ATP2C1: variants seen among roughly 807,000 people sequenced by gnomAD.
The protein encoded by ATP2C1 is calcium-transporting ATPase type 2C member 1.
Under a neutral mutation model 120.5 loss-of-function variants are expected in ATP2C1, and 31 were observed. The observed-to-expected ratio is 0.26, with a 90% CI of 0.19 to 0.35. ATP2C1 has a LOEUF of 0.35. Among genes scored for constraint, ATP2C1 ranks in the 10% least tolerant of loss-of-function variants. ATP2C1 has a pLI of 1.00. For missense variants in ATP2C1, 731 were observed against 1,107.5 expected, an observed-to-expected ratio of 0.66 and a Z score of 4.83; for synonymous variants, 351 against 358.7, an observed-to-expected ratio of 0.98 and a Z score of 0.24.
intron 19 of ATP2C1, 39 bp downstream of exon 19, chr3:130,979,458 T>C: frequency 6.3e-7 from 1 of 1,599,304 alleles, no homozygotes; most frequent in Non-Finnish European, 8.6e-7. Flanking sequence ...CGATAGTTTT[T>C]CTTAAAATAC....
intron 20 of ATP2C1, among the ~76,000 whole-genome samples, chr3:130,988,916 C>T (rs1385505093): frequency 6.6e-6 from 1 of 152,086 alleles, no homozygotes; most frequent in Non-Finnish European, 1.5e-5. Context: ...AATTGGAGGC[C>T]TCTAAATGGC....
intron 2 of ATP2C1, chr3:130,918,223 TG>T: frequency 6.9e-7 from 1 of 1,442,282 alleles, no homozygotes; most frequent in Non-Finnish European, 9.7e-7. Context: ...TACACCTTAC[TG>T]GGCATGAACA....
At chr3:130,863,096 A>G (rs1416657119) in intron 1 of ATP2C1, among the ~76,000 whole-genome samples, 1 of 152,180 alleles carries the variant, frequency 6.6e-6, no homozygotes, top group Non-Finnish European at 1.5e-5. Flanking sequence ...TGTAACCAAA[A>G]AAAATGGTAT....
intron 18 of ATP2C1, among the ~76,000 whole-genome samples, chr3:130,976,871 T>C (rs922171137): frequency 6.6e-6 from 1 of 152,176 alleles, no homozygotes; most frequent in African/African-American, 2.4e-5. Context: ...AAATGTACAA[T>C]TGCCAACTGA....
chr3:130,934,603 T>C lies in ATP2C1; in HGVS notation c.235-19T>C. ...CATGTACAAAACTGTGTTGAATTGCTGTTTGTTTTTACTTTCAGTTTAAAA... is the reference window on the plus strand; with the variant it reads ...CATGTACAAAACTGTGTTGAATTGCCGTTTGTTTTTACTTTCAGTTTAAAA... On this transcript the variant is annotated intron_variant, in intron 4 of 27. Coordinates refer to ENST00000510168, the MANE Select transcript of ATP2C1 (RefSeq NM_001378687.1). 10 of 1,545,126 alleles carry C rather than the reference T, an allele frequency of 6.5e-6. No homozygotes were observed. The highest frequency in any genetic ancestry group is 9.0e-6 in the Non-Finnish European group (10 of 1,117,242).
chr3:130,991,182 C>T (rs1293142528), intron 20 of ATP2C1, among the ~76,000 whole-genome samples: 2 of 151,780 alleles, frequency 1.3e-5, no homozygotes, highest in African/African-American at 4.8e-5. Context: ...GAGGAACAGC[C>T]AAAAAGGTAG....
intron 1 of ATP2C1, among the ~76,000 whole-genome samples, chr3:130,864,031 T>C (rs531437023): frequency 2.6e-5 from 4 of 152,008 alleles, no homozygotes; most frequent in African/African-American, 4.8e-5. Flanking sequence ...CAGGCAGAGG[T>C]TGGAACAGTT....
chr3:130,959,261 T>C lies in ATP2C1; in HGVS notation c.833-14T>C. Reference sequence around the variant, plus strand: ...TATGTAAAAGGGAAAAATAACTATTTAATTATCTTTCAGGAATCATCATGT... The same window carrying C: ...TATGTAAAAGGGAAAAATAACTATTCAATTATCTTTCAGGAATCATCATGT... On this transcript the variant is annotated splice_polypyrimidine_tract_variant and intron_variant, in intron 11 of 27. Coordinates refer to ENST00000510168, the MANE Select transcript of ATP2C1 (RefSeq NM_001378687.1). 1 of 1,593,070 alleles carries C rather than the reference T, an allele frequency of 6.3e-7. No individual in the cohort carries two copies. The highest frequency in any genetic ancestry group is 8.6e-7 in the Non-Finnish European group (1 of 1,161,642).
At chr3:130,901,338 T>TA (rs2057811060) in intron 2 of ATP2C1, among the ~76,000 whole-genome samples, 3 of 152,074 alleles carry the variant, frequency 2.0e-5, no homozygotes, top group Non-Finnish European at 4.4e-5. Context: ...AGATCAGTTA[T>TA]TATATCTTGA....
chr3:131,001,165 C>A, intron 27 of ATP2C1, 55 bp from the exon 28 acceptor site: 3 of 1,285,926 alleles, frequency 2.3e-6, no homozygotes, highest in Non-Finnish European at 2.2e-6. Flanking sequence ...AGCTATTAAG[C>A]TTTGCAACTG....
At position 130,999,790 on chromosome 3, in the gene ATP2C1, T is replaced by C. The variant is rs1300948460; in HGVS notation, c.2629+131T>C. The C allele has an allele frequency of 3.3e-6, 3 of 915,240 alleles. No individual in the cohort carries two copies. The East Asian group carries it at 8.0e-5, about 24-fold the overall frequency. The allele number at this position is 915,240 out of a possible 1,614,324, so 56.7% of individuals were successfully genotyped here. A position where few individuals can be genotyped will look rare whatever the true frequency, so the allele number is the denominator to read the frequency against. ...TCACTTGATTTGAAAAAGGAGTCTA[T>C]TTTTTCACTTGGGGAAGCTCAGGGG... On this transcript the variant is annotated intron_variant, in intron 27 of 27. Transcript: ENST00000510168.
chr3:130,938,880 C>T (rs1297814036), intron 6 of ATP2C1, among the ~76,000 whole-genome samples: 5 of 152,048 alleles, frequency 3.3e-5, no homozygotes, highest in Admixed American at 3.3e-4. Flanking sequence ...ACTAGAAAGC[C>T]CATGTTTTCA....
chr3:130,970,645 G>T (rs919535743), intron 17 of ATP2C1, among the ~76,000 whole-genome samples: 5 of 151,938 alleles, frequency 3.3e-5, no homozygotes, highest in African/African-American at 9.7e-5. Flanking sequence ...CCTCCACCTT[G>T]GCCTCCCAGA....
At chr3:130,882,212 C>CTT (rs201420573) in intron 1 of ATP2C1, among the ~76,000 whole-genome samples, 1 of 144,980 alleles carries the variant, frequency 6.9e-6, no homozygotes. Flanking sequence ...TTTCTTTCTT[C>CTT]TTTTTTTTTT....
chr3:130,853,798 C>T (rs1323658272), intron 1 of ATP2C1, among the ~76,000 whole-genome samples: 1 of 152,116 alleles, frequency 6.6e-6, no homozygotes, highest in African/African-American at 2.4e-5. Context: ...TTATCTTGTT[C>T]TTTGTTCCCT....
At chr3:130,870,610 C>T (rs2068398959) in intron 1 of ATP2C1, among the ~76,000 whole-genome samples, 1 of 152,092 alleles carries the variant, frequency 6.6e-6, no homozygotes. Context: ...AGAAGTGGAT[C>T]CTGAAGATGT....
chr3:131,006,255 G>C (rs1405625175), downstream of ATP2C1, among the ~76,000 whole-genome samples: 1 of 152,106 alleles, frequency 6.6e-6, no homozygotes, highest in African/African-American at 2.4e-5. Context: ...GGGATTACAG[G>C]CCTGTGCCAC....
chr3:130,921,739 G>A (rs1004584041), intron 2 of ATP2C1, among the ~76,000 whole-genome samples: 4 of 151,966 alleles, frequency 2.6e-5, no homozygotes, highest in Admixed American at 2.6e-4. Flanking sequence ...TGTTAATGTG[G>A]TATATTAATA....
chr3:130,890,514 A>T (rs1576601989), upstream of ATP2C1, among the ~76,000 whole-genome samples: 2 of 152,346 alleles, frequency 1.3e-5, no homozygotes, highest in Admixed American at 6.5e-5. Context: ...ATTTCATCTC[A>T]GTTTCATCAA....
Sources: allele counts gnomAD v4.1 joint callset (sites outside exome capture counted in the v4.1 genomes callset), GRCh38; gene constraint gnomAD v4.1.1; transcripts MANE v1.5; gene names NCBI Gene and HGNC (gene_info 2026-07-23, HGNC 2026-07-21).